The following GRID2 variants were observed in gnomAD, a reference collection of about 807,000 sequenced individuals.
The protein encoded by GRID2 is glutamate receptor ionotropic, delta-2.
Under a neutral mutation model 114.8 loss-of-function variants are expected in GRID2, and 33 were observed. The ratio of observed to expected loss-of-function variants is 0.29; its 90% CI spans 0.22 to 0.38. The LOEUF is 0.38. Among genes scored for constraint, GRID2 ranks in the 10% least tolerant of loss-of-function variants. The pLI, the probability that GRID2 is intolerant of heterozygous loss-of-function variation, is 1.00. For missense variants in GRID2, 1,184 were observed against 1,257.7 expected (o/e 0.94, Z 0.89); for synonymous variants, 505 against 449.9 (o/e 1.12, Z -1.55).
intron 1 of GRID2, among the ~76,000 whole-genome samples, chr4:92,349,376 C>A (rs989690943): frequency 6.6e-6 from 1 of 151,516 alleles, no homozygotes; most frequent in Admixed American, 6.6e-5. Flanking sequence ...GTTAATAATG[C>A]CAATTATTAT....
At chr4:92,698,829 A>G (rs1472736864) in intron 2 of GRID2, among the ~76,000 whole-genome samples, 2 of 152,148 alleles carry the variant, frequency 1.3e-5, no homozygotes, top group Non-Finnish European at 2.9e-5. Flanking sequence ...ATGTGTATCT[A>G]TTAAAAGACA....
intron 1 of GRID2, among the ~76,000 whole-genome samples, chr4:92,490,129 G>A (rs1723083142): frequency 6.6e-6 from 1 of 152,134 alleles, no homozygotes; most frequent in African/African-American, 2.4e-5. Context: ...TGTTACTCAT[G>A]CTTTATAGTA....
At chr4:93,194,024 C>G (rs1216420887) in intron 4 of GRID2, among the ~76,000 whole-genome samples, 7 of 152,116 alleles carry the variant, frequency 4.6e-5, no homozygotes, top group Non-Finnish European at 1.0e-4. Flanking sequence ...CTTTATCTGC[C>G]TGGAGTTAGT....
chr4:92,411,626 T>C (rs1267568166), intron 1 of GRID2, among the ~76,000 whole-genome samples: 1 of 92,908 alleles, frequency 1.1e-5, no homozygotes, highest in Non-Finnish European at 2.1e-5. Flanking sequence ...TATATATGCA[T>C]GTGTGTGTGT....
At chr4:92,418,325 A>G (rs1016399441) in intron 1 of GRID2, among the ~76,000 whole-genome samples, 1 of 152,114 alleles carries the variant, frequency 6.6e-6, no homozygotes, top group African/African-American at 2.4e-5. Context: ...ACACTGCAAA[A>G]TGAGGCTGAG....
Position 93,528,044 on chromosome 4 carries a change from T to C in GRID2, c.2193+12633T>C, listed in dbSNP as rs1444732082. On this transcript the variant is annotated intron_variant, in intron 13 of 15. Coordinates refer to ENST00000282020, the MANE Select transcript of GRID2 (RefSeq NM_001510.4). ...ATTGCAGCATGTGTCAGAATTTCCTTCAATTTTAAGGCTAAATAATATTCT... is the reference window on the plus strand; with the variant it reads ...ATTGCAGCATGTGTCAGAATTTCCTCCAATTTTAAGGCTAAATAATATTCT... Among the ~76,000 whole-genome samples, 4 of 152,252 alleles carry C rather than the reference T, an allele frequency of 2.6e-5. No homozygotes were observed. In the East Asian group the frequency reaches 7.7e-4, roughly 29 times the overall value.
At chr4:93,491,829 T>A (rs959783731) in intron 12 of GRID2, among the ~76,000 whole-genome samples, 3 of 151,932 alleles carry the variant, frequency 2.0e-5, no homozygotes, top group Non-Finnish European at 4.4e-5. Context: ...GAATTAATTA[T>A]CTATAAATAA....
At chr4:93,087,113 C>T (rs575902065) in intron 3 of GRID2, among the ~76,000 whole-genome samples, 1 of 151,982 alleles carries the variant, frequency 6.6e-6, no homozygotes, top group African/African-American at 2.4e-5. Context: ...CGGCTCACTG[C>T]AACCTCCACC....
intron 14 of GRID2, among the ~76,000 whole-genome samples, chr4:93,720,309 G>A (rs533335877): frequency 2.0e-5 from 3 of 152,286 alleles, no homozygotes; most frequent in African/African-American, 4.8e-5. Context: ...CAATGATTAT[G>A]TAGCAACCAA....
intron 10 of GRID2, among the ~76,000 whole-genome samples, chr4:93,426,890 A>G (rs1768902425): frequency 6.6e-6 from 1 of 152,062 alleles, no homozygotes; most frequent in Admixed American, 6.6e-5. Context: ...GTTCAACCGG[A>G]TATTTAGTCA....
chr4:93,808,396 G>A (rs1349230582), exon 2 of GRID2: 5 of 151,900 alleles, frequency 3.3e-5, no homozygotes, highest in African/African-American at 1.2e-4. Context: ...CAAGTGAAAA[G>A]TATGTGAAAG....
intron 1 of GRID2, among the ~76,000 whole-genome samples, chr4:92,429,759 C>A (rs1204779094): frequency 6.6e-6 from 1 of 152,080 alleles, no homozygotes; most frequent in Admixed American, 6.6e-5. Context: ...CCCTCGCCAG[C>A]ATTCATTATT....
intron 14 of GRID2, among the ~76,000 whole-genome samples, chr4:93,683,509 G>A (rs947657352): frequency 6.6e-6 from 1 of 152,070 alleles, no homozygotes; most frequent in African/African-American, 2.4e-5. Flanking sequence ...TGAAATTGGT[G>A]TTCTGGTATT....
At chr4:93,026,447 G>A (rs1284083434) in intron 2 of GRID2, among the ~76,000 whole-genome samples, 2 of 151,714 alleles carry the variant, frequency 1.3e-5, no homozygotes, top group South Asian at 2.1e-4. Context: ...CCTGAGCTTG[G>A]CTTTATTTCT....
intron 2 of GRID2, among the ~76,000 whole-genome samples, chr4:92,861,424 C>T (rs554784141): frequency 7.9e-5 from 12 of 152,060 alleles, no homozygotes; most frequent in African/African-American, 2.9e-4. Flanking sequence ...AATCTTGGGG[C>T]TATCTGAGAA....
intron 1 of GRID2, among the ~76,000 whole-genome samples, chr4:92,540,185 T>G (rs1725858789): frequency 6.6e-6 from 1 of 152,092 alleles, no homozygotes; most frequent in Non-Finnish European, 1.5e-5. Flanking sequence ...CCTAAAACCA[T>G]AAAAACCCTA....
At chr4:92,805,580 T>G (rs1327561042) in intron 2 of GRID2, among the ~76,000 whole-genome samples, 1 of 152,056 alleles carries the variant, frequency 6.6e-6, no homozygotes, top group Non-Finnish European at 1.5e-5. Context: ...TGGGAAATTC[T>G]GAATTTAGAT....
chr4:92,623,058 A>G (rs1393284664), intron 2 of GRID2, among the ~76,000 whole-genome samples: 2 of 151,870 alleles, frequency 1.3e-5, no homozygotes, highest in East Asian at 3.9e-4. Context: ...TAGAATTAAT[A>G]TTTAAATCAA....
At chr4:92,803,108 C>G (rs1053632741) in intron 2 of GRID2, among the ~76,000 whole-genome samples, 1 of 151,922 alleles carries the variant, frequency 6.6e-6, no homozygotes, top group East Asian at 2.0e-4. Context: ...GAGGGATGTT[C>G]ACAATCTTTT....
Sources: gnomAD v4.1 joint callset for allele counts (sites outside exome capture counted in the v4.1 genomes callset) on GRCh38, gnomAD v4.1.1 for gene constraint, MANE v1.5 for transcripts, NCBI Gene and HGNC (gene_info 2026-07-23, HGNC 2026-07-21) for gene names.